Variants in PALB2 observed in about 807,000 individuals in gnomAD.
PALB2 encodes mutant partner and localizer of BRCA2.
In PALB2, 82 loss-of-function variants were observed where a neutral mutation model predicts 107.4. That is an observed-to-expected ratio of 0.76 (90% CI 0.64 to 0.92). PALB2 has a LOEUF of 0.92. Among genes scored for constraint, PALB2 ranks in the 40% least tolerant of loss-of-function variants. The pLI is 0.00. For missense variants in PALB2, 1,374 were observed against 1,379.9 expected (o/e 1.00, Z 0.07); for synonymous variants, 489 against 496.8 (o/e 0.98, Z 0.21).
chr16:23,639,713 G>T (rs951869199), intron 1 of PALB2, among the ~76,000 whole-genome samples: 1 of 149,578 alleles, frequency 6.7e-6, no homozygotes, highest in Non-Finnish European at 1.5e-5. Context: ...CCAACTACTC[G>T]GGAGGCTGAG....
intron 6 of PALB2, 39 bp from the exon 7 acceptor site, chr16:23,626,436 A>AG (rs759204375): frequency 1.6e-5 from 25 of 1,612,206 alleles, no homozygotes; most frequent in Non-Finnish European, 2.0e-5. Context: ...GTGGCACTCG[A>AG]GTGCTGTTTT....
At chr16:23,607,699 G>T (rs1024878981) in intron 12 of PALB2, among the ~76,000 whole-genome samples, 165 bp downstream of exon 12, 6 of 152,148 alleles carry the variant, frequency 3.9e-5, no homozygotes, top group African/African-American at 1.4e-4. Context: ...TCTGGGGTTT[G>T]ACTCAAGTCC....
intron 12 of PALB2, among the ~76,000 whole-genome samples, chr16:23,606,969 G>A (rs1024685732): frequency 2.7e-5 from 4 of 149,760 alleles, no homozygotes; most frequent in African/African-American, 7.4e-5. Flanking sequence ...GCCTGCCACC[G>A]TGCCCAGCTA....
intron 12 of PALB2, among the ~76,000 whole-genome samples, chr16:23,606,277 G>C (rs1467941968): frequency 6.6e-6 from 1 of 151,892 alleles, no homozygotes; most frequent in Non-Finnish European, 1.5e-5. Flanking sequence ...GTGGTGGCAT[G>C]TACCTGTAGT....
Position 23,629,294 on chromosome 16 carries a change from C to G in PALB2, c.2515-19G>C. ...TTTCAGTCTGTGAAAACAAAAGTCA[C>G]ATCATTAGTCTACACTTTATGTATA... On this transcript the variant is annotated intron_variant, in intron 5 of 12. Coordinates refer to ENST00000261584, the MANE Select transcript of PALB2 (RefSeq NM_024675.4). 6.2e-7 allele frequency: 1 copy of G among 1,602,318 alleles called. No homozygotes were observed. Among genetic ancestry groups the G allele is most frequent in the Admixed American group, 1.7e-5 (1 of 60,020 alleles).
chr16:23,605,088 CTAT>C (rs1966446240), intron 12 of PALB2, among the ~76,000 whole-genome samples: 1 of 151,894 alleles, frequency 6.6e-6, no homozygotes, highest in Non-Finnish European at 1.5e-5. Context: ...AAAAAATTAG[CTAT>C]TATTATTATT....
In PALB2 at chr16:23,641,192, C is replaced by T. The variant is rs1421702095; in HGVS notation, c.-35G>A. On this transcript the variant is annotated 5_prime_UTR_variant, in exon 1 of 13. Coordinates refer to ENST00000261584, the MANE Select transcript of PALB2 (RefSeq NM_024675.4). The stretch of plus-strand genomic sequence containing the variant: ...GACAGAACGAAAAGAGCAGCCGTCG[C>T]CGACCCCAGGCCTGCCGACACCGGG... The T allele has an allele frequency of 6.2e-7, 1 of 1,606,644 alleles. No homozygotes were observed. The highest frequency in any genetic ancestry group is 2.2e-5 in the East Asian group (1 of 44,638).
At chr16:23,627,922 A>C (rs1171514993) in intron 6 of PALB2, among the ~76,000 whole-genome samples, 4 of 152,212 alleles carry the variant, frequency 2.6e-5, no homozygotes, top group Non-Finnish European at 5.9e-5. Flanking sequence ...TTGATTCTTT[A>C]AGAGACTAAG....
At chr16:23,638,190 G>T in intron 1 of PALB2, 61 bp from the exon 2 acceptor site, 2 of 1,377,652 alleles carry the variant, frequency 1.5e-6, no homozygotes, top group Non-Finnish European at 2.1e-6. Context: ...AGAGGGAAGG[G>T]ATGCAGTGCT....
intron 11 of PALB2, among the ~76,000 whole-genome samples, chr16:23,610,931 T>C (rs1966573553): frequency 6.6e-6 from 1 of 151,748 alleles, no homozygotes; most frequent in African/African-American, 2.4e-5. Context: ...TCCCAGCTAC[T>C]TGGGAGGCTG....
intron 9 of PALB2, among the ~76,000 whole-genome samples, chr16:23,622,330 G>A (rs530977149): frequency 6.6e-6 from 1 of 152,114 alleles, no homozygotes; most frequent in Non-Finnish European, 1.5e-5. Context: ...GGACACAAGT[G>A]TGTGGAACGA....
In PALB2 at chr16:23,630,130, A is replaced by G. The variant is rs2142383137; in HGVS notation, c.2024T>C (p.Leu675Pro). 1 of 1,614,170 alleles carries G rather than the reference A, an allele frequency of 6.2e-7. No homozygotes were observed. Among genetic ancestry groups the G allele is most frequent in the African/African-American group, 1.3e-5 (1 of 75,038 alleles). The change falls in exon 5 of 13, where the codon CTT becomes CCT. Residue 675 changes from leucine to proline, a missense_variant. Leu to Pro is a moderately conservative substitution (Grantham distance 98). Transcript: ENST00000261584. ...DTEMEDLEED[L>P]IVLPGKSHPK... ...ATGTGATTTTCCTGGTAGAACAATA[A>G]GGTCCTCTTCTAAGTCCTCCATTTC...
In PALB2 at chr16:23,616,957, C is replaced by G. The variant is rs184587104; in HGVS notation, c.3114-2866G>C. On this transcript the variant is annotated intron_variant, in intron 10 of 12. Transcript: ENST00000261584. ...CCTCCCGAGTAGCTGGGACTACAGG[C>G]ACCCACCACCACGCCTGGCGAATTT... Among the ~76,000 whole-genome samples, 307 of 152,146 alleles carry G rather than the reference C, an allele frequency of 2.0e-3. 1 individual carries two copies. The highest frequency in any genetic ancestry group is 3.4e-3 in the Middle Eastern group (1 of 294).
intron 10 of PALB2, chr16:23,617,567 TA>T (rs550361218): frequency 0.11 from 16,294 of 142,506 alleles, 1,166 homozygotes; most frequent in African/African-American, 0.22. Flanking sequence ...AAAAAAAAAT[TA>T]AAAAAAAAAA....
At chr16:23,606,821 C>CTT (rs545664784) in intron 12 of PALB2, among the ~76,000 whole-genome samples, 38 of 108,538 alleles carry the variant, frequency 3.5e-4, no homozygotes, top group African/African-American at 1.1e-3. Context: ...CTGCACCCTG[C>CTT]TTTTTTTTTT....
At chr16:23,631,873 G>T (rs1444477711) in intron 4 of PALB2, among the ~76,000 whole-genome samples, 1 of 152,120 alleles carries the variant, frequency 6.6e-6, no homozygotes, top group Non-Finnish European at 1.5e-5. Flanking sequence ...TCAAGACGAG[G>T]TCTCACTCTG....
intron 5 of PALB2, 78 bp downstream of exon 5, chr16:23,629,562 C>T (rs1966855120): frequency 7.1e-7 from 1 of 1,413,140 alleles, no homozygotes; most frequent in Middle Eastern, 1.7e-4. Flanking sequence ...GCCCAATGCG[C>T]AAGCAAGTCA....
At chr16:23,605,404 GGTTTGTTT>G (rs113665401) in intron 12 of PALB2, among the ~76,000 whole-genome samples, 1 of 151,760 alleles carries the variant, frequency 6.6e-6, no homozygotes, top group Non-Finnish European at 1.5e-5. Context: ...AGAAATAAGT[GGTTTGTTT>G]GTTTGTTTGT....
Position 23,635,301 on chromosome 16 carries a change from G to A in PALB2, c.1245C>T (p.Ser415=), listed in dbSNP as rs1966982144. 1 of 1,614,064 alleles carries A rather than the reference G, an allele frequency of 6.2e-7. No homozygotes were observed. Among genetic ancestry groups the A allele is most frequent in the Non-Finnish European group, 8.5e-7 (1 of 1,180,024 alleles). The part of the protein sequence containing the change: ...PAEYYVRTTR[S]MSNCQRKVAV... ...CTACTTTCCTCTGGCAATTGGACAT[G>A]CTTCGTGTTGTTCTAACATAATATT... The change falls in exon 4 of 13, where the codon AGC becomes AGT. Residue 415 remains serine (S), a synonymous_variant. Transcript: ENST00000261584.
Sources: gnomAD v4.1 joint callset for allele counts (sites outside exome capture counted in the v4.1 genomes callset) on GRCh38, gnomAD v4.1.1 for gene constraint, MANE v1.5 for transcripts, NCBI Gene and HGNC (gene_info 2026-07-23, HGNC 2026-07-21) for gene names.